KCNH7: variants seen among roughly 807,000 people sequenced by gnomAD.
The protein encoded by KCNH7 is potassium voltage-gated channel subfamily H member 7.
KCNH7 carries 49 observed loss-of-function variants against 120.8 expected under a neutral mutation model. The observed-to-expected ratio is 0.41, with a 90% CI of 0.32 to 0.51. KCNH7 has a LOEUF of 0.51. KCNH7 is among the 20% of genes least tolerant of loss of function. The pLI, the probability that KCNH7 is intolerant of heterozygous loss-of-function variation, is 0.38. For missense variants in KCNH7, 1,097 were observed against 1,446.6 expected, an observed-to-expected ratio of 0.76 and a Z score of 3.92; for synonymous variants, 547 against 516.1, an observed-to-expected ratio of 1.06 and a Z score of -0.81.
intron 2 of KCNH7, among the ~76,000 whole-genome samples, chr2:162,733,186 G>A (rs1463416824): frequency 2.0e-5 from 3 of 152,170 alleles, no homozygotes; most frequent in Non-Finnish European, 2.9e-5. Flanking sequence ...TGGTGACTAG[G>A]TTGCCAATCC....
chr2:162,483,370 ATGTATTTCC>A (rs1689990855), intron 6 of KCNH7, among the ~76,000 whole-genome samples: 1 of 152,138 alleles, frequency 6.6e-6, no homozygotes, highest in Admixed American at 6.6e-5. Context: ...TCCACGGGAC[ATGTATTTCC>A]ATATTTTGCT....
At chr2:162,836,264 A>C (rs534544235) in intron 2 of KCNH7, among the ~76,000 whole-genome samples, 1 of 152,302 alleles carries the variant, frequency 6.6e-6, no homozygotes. Context: ...TCCTTAAAGA[A>C]AGGAGCATCT....
chr2:162,750,428 A>G (rs1444650796), intron 2 of KCNH7, among the ~76,000 whole-genome samples: 2 of 151,998 alleles, frequency 1.3e-5, no homozygotes, highest in Admixed American at 1.3e-4. Flanking sequence ...GGATAGACTT[A>G]AAGAATAACA....
intron 2 of KCNH7, among the ~76,000 whole-genome samples, chr2:162,604,297 T>G (rs562205900): frequency 7.2e-5 from 11 of 152,134 alleles, no homozygotes; most frequent in Admixed American, 7.2e-4. Flanking sequence ...CTTTGTGCTT[T>G]TATTATTTGG....
At chr2:162,662,681 T>C (rs1685004226) in intron 2 of KCNH7, among the ~76,000 whole-genome samples, 1 of 152,192 alleles carries the variant, frequency 6.6e-6, no homozygotes, top group African/African-American at 2.4e-5. Flanking sequence ...CACCCTCCTT[T>C]CTTTGATCTC....
intron 14 of KCNH7, among the ~76,000 whole-genome samples, chr2:162,376,022 G>A (rs923987352): frequency 1.3e-4 from 19 of 151,924 alleles, no homozygotes; most frequent in Non-Finnish European, 5.9e-5. Flanking sequence ...AAATAACATA[G>A]TTTTAGAACT....
chr2:162,572,794 A>G (rs1417853293), intron 2 of KCNH7, among the ~76,000 whole-genome samples: 2 of 149,206 alleles, frequency 1.3e-5, no homozygotes, highest in Non-Finnish European at 3.0e-5. Context: ...AACTACCACA[A>G]GAACAAAAAA....
intron 9 of KCNH7, among the ~76,000 whole-genome samples, chr2:162,415,804 T>A (rs1304132202): frequency 6.6e-6 from 1 of 152,198 alleles, no homozygotes; most frequent in African/African-American, 2.4e-5. Context: ...TATTCTCATA[T>A]TTAGAAAGCA....
intron 14 of KCNH7, 93 bp downstream of exon 14, chr2:162,379,760 C>A (rs75090549): frequency 4.1e-6 from 5 of 1,207,512 alleles, no homozygotes; most frequent in African/African-American, 1.5e-5. Context: ...ATTATGAGAT[C>A]ATGGCAAGGA....
At chr2:162,648,664 C>T (rs1056548598) in intron 2 of KCNH7, among the ~76,000 whole-genome samples, 5 of 152,040 alleles carry the variant, frequency 3.3e-5, no homozygotes, top group East Asian at 1.9e-4. Flanking sequence ...AGTCAGGGGT[C>T]GACAAACTGT....
In KCNH7 at chr2:162,384,377, A is replaced by G. The variant is rs116214045; in HGVS notation, c.2962+311T>C. On this transcript the variant is annotated intron_variant, in intron 13 of 15. Coordinates refer to ENST00000332142, the MANE Select transcript of KCNH7 (RefSeq NM_033272.4). The stretch of plus-strand genomic sequence containing the variant: ...GAACCAATTGATTAACTGTCTTAAA[A>G]TATTCATGGGTCCTCTCTCCCCATT... 3.2e-3 allele frequency among the ~76,000 whole-genome samples: 482 copies of G among 152,006 alleles called. 2 individuals are homozygous for G. Among genetic ancestry groups the G allele is most frequent in the African/African-American group, 0.011 (461 of 41,526 alleles).
At chr2:162,750,433 A>G (rs540474153) in intron 2 of KCNH7, among the ~76,000 whole-genome samples, 3 of 152,156 alleles carry the variant, frequency 2.0e-5, no homozygotes, top group Non-Finnish European at 4.4e-5. Flanking sequence ...GACTTAAAGA[A>G]TAACATGATT....
At chr2:162,475,784 G>A (rs773059720) in intron 6 of KCNH7, among the ~76,000 whole-genome samples, 3 of 152,158 alleles carry the variant, frequency 2.0e-5, no homozygotes, top group Non-Finnish European at 4.4e-5. Context: ...CATGAGTCAT[G>A]GGCTGTGTGC....
At chr2:162,655,752 C>T (rs1014042688) in intron 2 of KCNH7, among the ~76,000 whole-genome samples, 40 of 152,200 alleles carry the variant, frequency 2.6e-4, no homozygotes, top group African/African-American at 9.4e-4. Flanking sequence ...GAGATGGTGC[C>T]ACTGCACTCC....
At chr2:162,687,679 G>T (rs559236432) in intron 2 of KCNH7, among the ~76,000 whole-genome samples, 7 of 152,182 alleles carry the variant, frequency 4.6e-5, no homozygotes, top group Non-Finnish European at 8.8e-5. Context: ...TTGCTTGTTA[G>T]ATATTTATTA....
chr2:162,399,321 C>G (rs890659071), intron 10 of KCNH7, among the ~76,000 whole-genome samples: 4 of 151,166 alleles, frequency 2.6e-5, no homozygotes, highest in African/African-American at 9.7e-5. Context: ...GTTCACATGG[C>G]CTAAATTTAT....
In KCNH7 at chr2:162,656,745, T is replaced by A. The variant is rs1348235802; in HGVS notation, c.308-119665A>T. Among the ~76,000 whole-genome samples the A allele has an allele frequency of 2.0e-5, 3 of 152,298 alleles. No homozygotes were observed. The South Asian group carries it at 6.2e-4, about 32-fold the overall frequency. ...AAGCATATTGCATCAATGATTAATT[T>A]TGAGGCATATTTGCTGTGGAGCATC... is the stretch of plus-strand genomic sequence containing the variant. On this transcript the variant is annotated intron_variant, in intron 2 of 15. Coordinates refer to ENST00000332142, the MANE Select transcript of KCNH7 (RefSeq NM_033272.4).
At chr2:162,583,055 T>C (rs1693930354) in intron 2 of KCNH7, among the ~76,000 whole-genome samples, 1 of 151,136 alleles carries the variant, frequency 6.6e-6, no homozygotes, top group African/African-American at 2.5e-5. Flanking sequence ...ACTTCTGTGG[T>C]AAATGCTAAA....
chr2:162,429,454 A>C (rs2105506895), intron 8 of KCNH7, among the ~76,000 whole-genome samples: 1 of 124,876 alleles, frequency 8.0e-6, no homozygotes, highest in African/African-American at 3.6e-5. Context: ...TGTTGATCCA[A>C]ATTTTCATCT....
Sources: allele counts gnomAD v4.1 joint callset (sites outside exome capture counted in the v4.1 genomes callset), GRCh38; gene constraint gnomAD v4.1.1; transcripts MANE v1.5; gene names NCBI Gene and HGNC (gene_info 2026-07-23, HGNC 2026-07-21).